Variants in PCDH9 observed in about 807,000 individuals in gnomAD.
PCDH9 encodes protocadherin-9.
PCDH9 carries 24 observed loss-of-function variants against 70.6 expected under a neutral mutation model. The observed-to-expected ratio is 0.34, with a 90% CI of 0.25 to 0.48. The LOEUF (loss-of-function observed/expected upper bound fraction) is 0.48. Among genes scored for constraint, PCDH9 ranks in the 20% least tolerant of loss-of-function variants. The probability of loss-of-function intolerance (pLI) is 0.99; values close to 1 mark genes in which losing one functional copy is unlikely to be tolerated. For synonymous variants in PCDH9, 562 were observed against 558.5 expected (o/e 1.01, Z -0.09); for missense variants, 1,281 against 1,503.6 (o/e 0.85, Z 2.45).
At chr13:66,323,116 G>A (rs537184765) in intron 4 of PCDH9, 4 of 152,108 alleles carry the variant, frequency 2.6e-5, no homozygotes, top group Admixed American at 2.6e-4. Context: ...TGTTAATTGT[G>A]ATATGTAACA....
At chr13:66,310,851 G>T (rs1418487143) in intron 4 of PCDH9, among the ~76,000 whole-genome samples, 1 of 151,980 alleles carries the variant, frequency 6.6e-6, no homozygotes, top group Non-Finnish European at 1.5e-5. Flanking sequence ...CTCTTGGATG[G>T]AATACACATC....
intron 4 of PCDH9, among the ~76,000 whole-genome samples, chr13:66,529,976 A>T (rs1291179910): frequency 6.6e-6 from 1 of 151,998 alleles, no homozygotes; most frequent in African/African-American, 2.4e-5. Flanking sequence ...AATCATAAAT[A>T]CACATACAAC....
intron 2 of PCDH9, among the ~76,000 whole-genome samples, chr13:66,949,636 C>T (rs1206616913): frequency 6.6e-6 from 1 of 151,972 alleles, no homozygotes; most frequent in African/African-American, 2.4e-5. Flanking sequence ...AAGAGACCCC[C>T]ATTAAAATGT....
intron 3 of PCDH9, among the ~76,000 whole-genome samples, chr13:66,710,065 G>A (rs2078771839): frequency 6.6e-6 from 1 of 152,018 alleles, no homozygotes; most frequent in African/African-American, 2.4e-5. Flanking sequence ...ATTAAGAGAA[G>A]TTTACAAAAA....
chr13:67,098,270 T>G (rs2086362583), intron 2 of PCDH9, among the ~76,000 whole-genome samples: 1 of 152,170 alleles, frequency 6.6e-6, no homozygotes, highest in Non-Finnish European at 1.5e-5. Flanking sequence ...AATCATGACA[T>G]TCTCTAAGCA....
intron 2 of PCDH9, among the ~76,000 whole-genome samples, chr13:67,068,642 C>T (rs1306333333): frequency 2.0e-5 from 3 of 152,072 alleles, no homozygotes. Flanking sequence ...GCGTTTGATC[C>T]CAAACCTCAA....
intron 3 of PCDH9, among the ~76,000 whole-genome samples, chr13:66,800,498 C>T (rs1174147534): frequency 6.6e-6 from 1 of 152,066 alleles, no homozygotes; most frequent in East Asian, 1.9e-4. Context: ...CTCATGTAAG[C>T]ACCAAGACCA....
At chr13:66,432,583 C>G (rs1242038653) in intron 4 of PCDH9, among the ~76,000 whole-genome samples, 1 of 151,770 alleles carries the variant, frequency 6.6e-6, no homozygotes, top group African/African-American at 2.4e-5. Context: ...ATGTACCAGG[C>G]TGTAGCAGAA....
chr13:66,911,911 T>C (rs2082473704), intron 2 of PCDH9, among the ~76,000 whole-genome samples: 1 of 152,182 alleles, frequency 6.6e-6, no homozygotes, highest in East Asian at 1.9e-4. Context: ...ACAGACATTT[T>C]TGGGTGCCAG....
intron 2 of PCDH9, among the ~76,000 whole-genome samples, chr13:66,961,845 G>C (rs2083352004): frequency 6.6e-6 from 1 of 152,126 alleles, no homozygotes; most frequent in African/African-American, 2.4e-5. Flanking sequence ...GAGATCAGGA[G>C]TTTGAGACCA....
chr13:66,763,925 A>C (rs1444685616), intron 3 of PCDH9, among the ~76,000 whole-genome samples: 1 of 151,856 alleles, frequency 6.6e-6, no homozygotes, highest in Non-Finnish European at 1.5e-5. Context: ...CAGCTTCCCA[A>C]GTAGCTGGGA....
At chr13:67,164,959 T>C (rs2088069260) in intron 2 of PCDH9, among the ~76,000 whole-genome samples, 1 of 152,154 alleles carries the variant, frequency 6.6e-6, no homozygotes, top group Admixed American at 6.5e-5. Flanking sequence ...CTGTTGACTA[T>C]ATACCTCCAT....
intron 4 of PCDH9, among the ~76,000 whole-genome samples, chr13:66,541,626 T>G (rs141474076): frequency 2.4e-3 from 365 of 152,286 alleles, no homozygotes; most frequent in African/African-American, 8.4e-3. Flanking sequence ...TTCTCTCCGT[T>G]TCTCTCTCCA....
intron 4 of PCDH9, among the ~76,000 whole-genome samples, chr13:66,357,196 T>C (rs1406885999): frequency 6.6e-6 from 1 of 151,980 alleles, no homozygotes; most frequent in African/African-American, 2.4e-5. Context: ...TAAAGAAAGA[T>C]GCACCAAGGT....
intron 2 of PCDH9, among the ~76,000 whole-genome samples, chr13:67,046,953 T>G (rs1208931572): frequency 1.3e-5 from 2 of 152,184 alleles, no homozygotes; most frequent in African/African-American, 4.8e-5. Flanking sequence ...ATGATTTCAG[T>G]ATAATCTAGA....
chr13:66,663,845 T>C (rs2078055503), intron 3 of PCDH9, among the ~76,000 whole-genome samples: 1 of 152,210 alleles, frequency 6.6e-6, no homozygotes, highest in South Asian at 2.1e-4. Context: ...TGATCTAAAA[T>C]GAGGCATATG....
intron 4 of PCDH9, among the ~76,000 whole-genome samples, chr13:66,429,277 G>T (rs1267380629): frequency 6.6e-6 from 1 of 151,638 alleles, no homozygotes; most frequent in Non-Finnish European, 1.5e-5. Flanking sequence ...GTACCCAAAA[G>T]AATTCAGTGT....
At chr13:66,845,269 C>T (rs936107615) in intron 3 of PCDH9, among the ~76,000 whole-genome samples, 4 of 152,244 alleles carry the variant, frequency 2.6e-5, no homozygotes, top group African/African-American at 9.6e-5. Context: ...TTCAGCCTCC[C>T]TCCCATGCTC....
chr13:67,069,679 T>C (rs1594468229), intron 2 of PCDH9, among the ~76,000 whole-genome samples: 2 of 152,284 alleles, frequency 1.3e-5, no homozygotes, highest in Middle Eastern at 6.8e-3. Context: ...ATTTGCTTTT[T>C]GCAGACCACA....
Sources: gnomAD v4.1 joint callset for allele counts (sites outside exome capture counted in the v4.1 genomes callset) on GRCh38, gnomAD v4.1.1 for gene constraint, MANE v1.5 for transcripts, NCBI Gene and HGNC (gene_info 2026-07-23, HGNC 2026-07-21) for gene names.